PLXNA4: variants seen among roughly 807,000 people sequenced by gnomAD.
The protein encoded by PLXNA4 is plexin A4.
A neutral mutation model predicts 191.8 loss-of-function variants in PLXNA4; 44 were observed. The ratio of observed to expected loss-of-function variants is 0.23; its 90% CI spans 0.18 to 0.29. The LOEUF (loss-of-function observed/expected upper bound fraction) is 0.29, where lower values mean the gene tolerates loss of function less well. PLXNA4 is among the 10% of genes least tolerant of loss of function. PLXNA4 has a pLI of 1.00. For synonymous variants in PLXNA4, 1,082 were observed against 1,009.5 expected, an observed-to-expected ratio of 1.07 and a Z score of -1.36; for missense variants, 1,800 against 2,488.8, an observed-to-expected ratio of 0.72 and a Z score of 5.89.
chr7:132,198,445 C>T, intron 13 of PLXNA4, 40 bp downstream of exon 13: 1 of 1,602,474 alleles, frequency 6.2e-7, no homozygotes, highest in Non-Finnish European at 8.5e-7. Context: ...ACCCGTCTTC[C>T]CTCCCCTGTT....
chr7:132,268,250 A>G (rs2116307873), intron 4 of PLXNA4, among the ~76,000 whole-genome samples: 1 of 152,266 alleles, frequency 6.6e-6, no homozygotes, highest in Non-Finnish European at 1.5e-5. Context: ...TTAAGAAAGG[A>G]ACTTATTTCA....
chr7:132,482,966 C>G (rs1439880828), intron 3 of PLXNA4, among the ~76,000 whole-genome samples: 1 of 152,114 alleles, frequency 6.6e-6, no homozygotes, highest in Non-Finnish European at 1.5e-5. Context: ...GCTGGGATTA[C>G]AGGGGTGAGC....
chr7:132,598,584 A>G lies in PLXNA4; in HGVS notation c.-87+47344T>C, dbSNP rs114253236. 3.5e-3 allele frequency among the ~76,000 whole-genome samples: 530 copies of G among 152,312 alleles called. 5 individuals are homozygous for G. Among genetic ancestry groups the G allele is most frequent in the African/African-American group, 0.012 (506 of 41,558 alleles). ...GTTAGTTGTTAAGGTTTCCTCTTTT[A>G]TAAGTTACCTATTCATAACCTTTCC... is the stretch of plus-strand genomic sequence containing the variant. On this transcript the variant is annotated intron_variant, in intron 2 of 4. Transcript: ENST00000378539.
At chr7:132,625,624 C>T (rs182847036) in intron 2 of PLXNA4, among the ~76,000 whole-genome samples, 10 of 152,262 alleles carry the variant, frequency 6.6e-5, no homozygotes, top group Admixed American at 2.0e-4. Context: ...TTCATCAATC[C>T]GTTCATCCTC....
At chr7:132,378,714 C>T (rs2116931279) in intron 3 of PLXNA4, among the ~76,000 whole-genome samples, 1 of 152,254 alleles carries the variant, frequency 6.6e-6, no homozygotes, top group East Asian at 1.9e-4. Flanking sequence ...TGAAAAGTCC[C>T]TCCCACCTCT....
rs890553952 is a variant in PLXNA4, at chr7:132,411,380, G to A, written c.1371+77912C>T. Reference sequence around the variant, plus strand: ...CCTCATCAGCAGCCACTTCTGATGCGTAATTGACAAGACCATAGCTGATGA... The same window carrying A: ...CCTCATCAGCAGCCACTTCTGATGCATAATTGACAAGACCATAGCTGATGA... On this transcript the variant is annotated intron_variant, in intron 3 of 31. Coordinates refer to ENST00000321063, the MANE Select transcript of PLXNA4 (RefSeq NM_020911.2). 2.3e-4 allele frequency among the ~76,000 whole-genome samples: 35 copies of A among 152,290 alleles called. 1 individual carries two copies. The highest frequency in any genetic ancestry group is 9.8e-4 in the Admixed American group (15 of 15,306).
At chr7:132,443,304 T>TAG (rs1795767252) in intron 3 of PLXNA4, among the ~76,000 whole-genome samples, 1 of 152,228 alleles carries the variant, frequency 6.6e-6, no homozygotes, top group East Asian at 1.9e-4. Context: ...GGGGGAACTT[T>TAG]CCCGGCTTCT....
intron 3 of PLXNA4, among the ~76,000 whole-genome samples, chr7:132,418,367 C>G (rs1794734662): frequency 6.6e-6 from 1 of 152,168 alleles, no homozygotes; most frequent in Admixed American, 6.5e-5. Context: ...CTGTTTTCCA[C>G]CATAATATCA....
At chr7:132,623,812 A>T (rs910089637) in intron 2 of PLXNA4, among the ~76,000 whole-genome samples, 25 of 152,230 alleles carry the variant, frequency 1.6e-4, no homozygotes, top group African/African-American at 6.0e-4. Flanking sequence ...CCTCACCCAA[A>T]GGTGGCAGAC....
At chr7:132,388,123 C>T (rs1445283801) in intron 3 of PLXNA4, among the ~76,000 whole-genome samples, 2 of 152,128 alleles carry the variant, frequency 1.3e-5, no homozygotes, top group South Asian at 4.2e-4. Context: ...AAGGAAATCA[C>T]AAGGAATATG....
intron 1 of PLXNA4, among the ~76,000 whole-genome samples, chr7:132,563,442 TTCC>T (rs1424906923): frequency 1.9e-5 from 1 of 53,504 alleles, no homozygotes; most frequent in Admixed American, 2.0e-4. Context: ...CCTCCTCCTC[TTCC>T]TCCTCCTCCT....
chr7:132,225,616 G>GCA (rs1554395254), intron 8 of PLXNA4, among the ~76,000 whole-genome samples: 2 of 149,744 alleles, frequency 1.3e-5, no homozygotes, highest in African/African-American at 5.0e-5. Context: ...GCCAGAGTCC[G>GCA]CCCCCCCCCA....
At chr7:132,204,996 C>A (rs776355848) in intron 10 of PLXNA4, among the ~76,000 whole-genome samples, 5 of 152,146 alleles carry the variant, frequency 3.3e-5, no homozygotes, top group Non-Finnish European at 7.3e-5. Context: ...CGGTGTTTGT[C>A]CCACAACGGA....
intron 2 of PLXNA4, among the ~76,000 whole-genome samples, chr7:132,634,197 G>A (rs1025869920): frequency 4.6e-5 from 7 of 152,068 alleles, no homozygotes; most frequent in African/African-American, 1.7e-4. Flanking sequence ...CTTTATTTAG[G>A]GTTAAATGGA....
rs760820215 is a variant in PLXNA4, at chr7:132,507,622, A to G, written c.1072T>C (p.Phe358Leu). The part of the protein sequence containing the change: ...KSLDESALCI[F>L]ILKQINDRIK... ...CGGTCATTTATCTGCTTCAAGATGAAGATGCACAGGGCCGACTCATCCAGG... is the reference window on the plus strand; with the variant it reads ...CGGTCATTTATCTGCTTCAAGATGAGGATGCACAGGGCCGACTCATCCAGG... Residue 358 changes from phenylalanine (F) to leucine (L), a missense_variant, in exon 2 of 32, where the codon TTC becomes CTC. By Grantham distance (22) the Phe-to-Leu change is conservative. This residue lies in a region of PLXNA4 where 1,397 missense variants were observed against 1,880.4 expected (regional missense o/e 0.74). Transcript: ENST00000321063. 3 of 1,614,108 alleles carry G rather than the reference A, an allele frequency of 1.9e-6. No homozygotes were observed. The highest frequency in any genetic ancestry group is 2.5e-6 in the Non-Finnish European group (3 of 1,180,056).
At chr7:132,413,274 G>A (rs941517999) in intron 3 of PLXNA4, among the ~76,000 whole-genome samples, 1 of 152,142 alleles carries the variant, frequency 6.6e-6, no homozygotes, top group Non-Finnish European at 1.5e-5. Context: ...TTTCCTCGAT[G>A]GGGTCTTTCC....
chr7:132,503,770 C>A (rs904152067), intron 2 of PLXNA4, among the ~76,000 whole-genome samples: 2 of 152,208 alleles, frequency 1.3e-5, no homozygotes, highest in African/African-American at 2.4e-5. Flanking sequence ...GACCTCTAGT[C>A]CCCTGAGTCC....
intron 2 of PLXNA4, among the ~76,000 whole-genome samples, chr7:132,630,513 T>G (rs940046961): frequency 6.6e-6 from 1 of 151,236 alleles, no homozygotes; most frequent in African/African-American, 2.5e-5. Flanking sequence ...GGTTTTTTTG[T>G]TTTTTTGTTT....
intron 5 of PLXNA4, among the ~76,000 whole-genome samples, chr7:132,238,401 C>A (rs547614022): frequency 6.6e-6 from 1 of 152,238 alleles, no homozygotes; most frequent in Admixed American, 6.5e-5. Context: ...GAACTGACTG[C>A]ACTTGTTTAA....
Sources: gnomAD v4.1 joint callset for allele counts (sites outside exome capture counted in the v4.1 genomes callset) on GRCh38, gnomAD v4.1.1 for gene constraint, gnomAD v4.1.1 regional missense constraint, MANE v1.5 for transcripts, NCBI Gene and HGNC (gene_info 2026-07-23, HGNC 2026-07-21) for gene names.